The following CAMSAP2 variants were observed in gnomAD, a reference collection of about 807,000 sequenced individuals.
The protein encoded by CAMSAP2 is calmodulin-regulated spectrin-associated protein 2.
In CAMSAP2, 26 loss-of-function variants were observed where a neutral mutation model predicts 146.1. That is an observed-to-expected ratio of 0.18 (90% confidence interval 0.13 to 0.25). CAMSAP2 has a LOEUF of 0.25. CAMSAP2 is among the 10% of genes least tolerant of loss of function. The pLI, the probability that CAMSAP2 is intolerant of heterozygous loss-of-function variation, is 1.00. For missense variants in CAMSAP2, 1,381 were observed against 1,759.3 expected (o/e 0.78, Z 3.85); for synonymous variants, 499 against 596.6 (o/e 0.84, Z 2.38).
chr1:200,776,437 C>G (rs772283227), intron 2 of CAMSAP2, among the ~76,000 whole-genome samples: 1 of 152,178 alleles, frequency 6.6e-6, no homozygotes, highest in South Asian at 2.1e-4. Context: ...TATTTTCCTA[C>G]GACAACCAAA....
chr1:200,798,911 A>T (rs1665960168), intron 2 of CAMSAP2, among the ~76,000 whole-genome samples: 1 of 151,614 alleles, frequency 6.6e-6, no homozygotes, highest in Non-Finnish European at 1.5e-5. Context: ...CCTTTTCTGC[A>T]TCTATTGAGA....
intron 2 of CAMSAP2, among the ~76,000 whole-genome samples, chr1:200,792,585 C>T (rs1337192213): frequency 2.0e-5 from 3 of 152,158 alleles, no homozygotes; most frequent in Admixed American, 2.0e-4. Flanking sequence ...GAGGAGGTTG[C>T]AGTGAGCCGA....
chr1:200,828,980 ACCCCATCTC>A (rs1666974248), intron 4 of CAMSAP2, among the ~76,000 whole-genome samples: 1 of 151,580 alleles, frequency 6.6e-6, no homozygotes, highest in Non-Finnish European at 1.5e-5. Flanking sequence ...ACATGGAAAA[ACCCCATCTC>A]TACTAAAAAT....
In CAMSAP2 at chr1:200,816,635, T is replaced by C. The variant is rs549246047; in HGVS notation, c.645+991T>C. ...ATATATATATATATATGTATATATA[T>C]ACACACACATATATATGCACACACA... On this transcript the variant is annotated intron_variant, in intron 4 of 16. Transcript: ENST00000358823. Among the ~76,000 whole-genome samples, 23 of 143,604 alleles carry C rather than the reference T, an allele frequency of 1.6e-4. No individual in the cohort carries two copies. The East Asian group carries it at 2.0e-3, about 13-fold the overall frequency. The allele number at this position is 143,604 out of a possible 152,430, so 94.2% of individuals were successfully genotyped here. A position where few individuals can be genotyped will look rare whatever the true frequency, so the allele number is the denominator to read the frequency against.
At chr1:200,759,734 C>G (rs1664748894) in intron 1 of CAMSAP2, among the ~76,000 whole-genome samples, 1 of 152,146 alleles carries the variant, frequency 6.6e-6, no homozygotes, top group Admixed American at 6.6e-5. Flanking sequence ...GGCTAGGTCT[C>G]AGGACAGAGC....
chr1:200,770,810 AC>A (rs1474786780), intron 2 of CAMSAP2, among the ~76,000 whole-genome samples: 1 of 152,174 alleles, frequency 6.6e-6, no homozygotes, highest in Non-Finnish European at 1.5e-5. Context: ...GGCAGTTATT[AC>A]CATCTCTTTT....
intron 4 of CAMSAP2, among the ~76,000 whole-genome samples, chr1:200,824,915 GT>G (rs577954701): frequency 1.6e-3 from 239 of 152,218 alleles, no homozygotes; most frequent in African/African-American, 5.7e-3. Context: ...GGAGGCGGAG[GT>G]TGCAGTGAGC....
chr1:200,770,188 GA>G (rs1243551794), intron 2 of CAMSAP2, among the ~76,000 whole-genome samples: 2 of 152,152 alleles, frequency 1.3e-5, no homozygotes, highest in Admixed American at 6.6e-5. Flanking sequence ...GAGGAAAATT[GA>G]GTACACTTTA....
intron 4 of CAMSAP2, among the ~76,000 whole-genome samples, chr1:200,828,990 T>C (rs1338041767): frequency 6.6e-6 from 1 of 151,976 alleles, no homozygotes; most frequent in Admixed American, 6.6e-5. Context: ...ACCCCATCTC[T>C]ACTAAAAATA....
At chr1:200,801,008 G>C (rs2102127187) in intron 2 of CAMSAP2, among the ~76,000 whole-genome samples, 1 of 152,290 alleles carries the variant, frequency 6.6e-6, no homozygotes, top group East Asian at 1.9e-4. Context: ...GCTCACACCT[G>C]TAATTGCAGC....
At chr1:200,787,820 G>C (rs969854758) in intron 2 of CAMSAP2, among the ~76,000 whole-genome samples, 2 of 152,128 alleles carry the variant, frequency 1.3e-5, no homozygotes, top group African/African-American at 4.8e-5. Flanking sequence ...CCCTCCTTCA[G>C]CAATCACCAC....
In CAMSAP2 at chr1:200,841,392, A is replaced by T. The variant is rs187928400; in HGVS notation, c.928-602A>T. ...CTCTCAAGTAGCTAGGATTACAGGC[A>T]CGCGCCACCACACCCGGCTAGTTTT... On this transcript the variant is annotated intron_variant, in intron 6 of 16. Transcript: ENST00000358823. Among the ~76,000 whole-genome samples the T allele has an allele frequency of 7.2e-3, 1,094 of 152,236 alleles. 7 individuals are homozygous for T. Among genetic ancestry groups the T allele is most frequent in the Admixed American group, 0.012 (181 of 15,286 alleles).
At chr1:200,766,861 T>G (rs1057389488) in intron 2 of CAMSAP2, among the ~76,000 whole-genome samples, 4 of 152,200 alleles carry the variant, frequency 2.6e-5, no homozygotes, top group African/African-American at 9.6e-5. Flanking sequence ...TAGGTTTCTT[T>G]CCAAAGTAAT....
chr1:200,821,364 G>A (rs1666758400), intron 4 of CAMSAP2, among the ~76,000 whole-genome samples: 1 of 151,678 alleles, frequency 6.6e-6, no homozygotes, highest in African/African-American at 2.4e-5. Context: ...TTTACTTTTT[G>A]TAGAGTCAGG....
chr1:200,803,929 CTT>C lies in CAMSAP2; in HGVS notation c.400-3437_400-3436del, dbSNP rs5780041. Among the ~76,000 whole-genome samples, 86 of 148,674 alleles carry C rather than the reference CTT, an allele frequency of 5.8e-4. 2 individuals carry two copies. The highest frequency in any genetic ancestry group is 1.2e-4 in the Non-Finnish European group (8 of 67,034). Reference sequence around the variant, plus strand: ...TATTATGGTATGATGTTCTGTTTTTCTTTTTTTTTTTCTTTGAGACAGAGTCT... The same window carrying C: ...TATTATGGTATGATGTTCTGTTTTTCTTTTTTTTTCTTTGAGACAGAGTCT... On this transcript the variant is annotated intron_variant, in intron 2 of 16. Coordinates refer to ENST00000358823, the MANE Select transcript of CAMSAP2 (RefSeq NM_203459.4).
chr1:200,761,620 A>C (rs1396749395), intron 2 of CAMSAP2, among the ~76,000 whole-genome samples: 1 of 151,914 alleles, frequency 6.6e-6, no homozygotes, highest in Non-Finnish European at 1.5e-5. Flanking sequence ...CTGTAATCCC[A>C]GTTACTTGGG....
In CAMSAP2 at chr1:200,859,750, A is replaced by G. The variant is rs1667834584; in HGVS notation, c.*1691A>G. On this transcript the variant is annotated 3_prime_UTR_variant, in exon 17 of 17. Coordinates refer to ENST00000358823, the MANE Select transcript of CAMSAP2 (RefSeq NM_203459.4). The stretch of plus-strand genomic sequence containing the variant: ...TGTATATAACATATGGATATTAAAA[A>G]TGGGGAATTGCACATTTTACCTTTT... 6.6e-6 allele frequency: 1 copy of G among 152,292 alleles called. No individual in the cohort carries two copies. The highest frequency in any genetic ancestry group is 1.5e-5 in the Non-Finnish European group (1 of 67,946). The allele number at this position is 152,292 out of a possible 1,614,324, so 9.4% of individuals were successfully genotyped here.
At chr1:200,810,190 C>G (rs992270571) in intron 3 of CAMSAP2, among the ~76,000 whole-genome samples, 1 of 152,140 alleles carries the variant, frequency 6.6e-6, no homozygotes, top group Non-Finnish European at 1.5e-5. Context: ...CTAACAAGCT[C>G]CAGGTGATAC....
chr1:200,794,430 T>C (rs1458872137), intron 2 of CAMSAP2, among the ~76,000 whole-genome samples: 1 of 152,198 alleles, frequency 6.6e-6, no homozygotes, highest in Non-Finnish European at 1.5e-5. Context: ...AGCCTTGGGT[T>C]TATATTAATG....
Sources: gnomAD v4.1 joint callset for allele counts (sites outside exome capture counted in the v4.1 genomes callset) on GRCh38, gnomAD v4.1.1 for gene constraint, MANE v1.5 for transcripts, NCBI Gene and HGNC (gene_info 2026-07-23, HGNC 2026-07-21) for gene names.